PCDHGA11: variants seen among roughly 807,000 people sequenced by gnomAD.
PCDHGA11 encodes the protein protocadherin gamma subfamily A, 11.
PCDHGA11 carries 39 observed loss-of-function variants against 60.4 expected under a neutral mutation model. The observed-to-expected ratio is 0.65, with a 90% confidence interval of 0.50 to 0.84. PCDHGA11 has a LOEUF of 0.84. Among genes scored for constraint, PCDHGA11 ranks in the 40% least tolerant of loss-of-function variants. PCDHGA11 has a pLI of 0.00. For synonymous variants in PCDHGA11, 533 were observed against 510.3 expected (o/e 1.04, Z -0.60); for missense variants, 1,165 against 1,197.7 (o/e 0.97, Z 0.40).
In PCDHGA11 at chr5:141,489,522, C is replaced by T. The variant is rs371948070; in HGVS notation, c.2434-5285C>T. 2.5e-6 allele frequency: 4 copies of T among 1,614,088 alleles called. No individual in the cohort carries two copies. Among genetic ancestry groups the T allele is most frequent in the Non-Finnish European group, 3.4e-6 (4 of 1,180,036 alleles). On this transcript the variant is annotated intron_variant, in intron 1 of 3. Coordinates refer to ENST00000398587, the MANE Select transcript of PCDHGA11 (RefSeq NM_018914.3). The surrounding 1 kb of genome is among the most constrained non-coding windows in gnomAD (Gnocchi z 4.5). ...TGAATCAAAAGATTGACCGAGAAAG[C>T]CTATGTGGAGCCAGCACCAGCTGCC...
intron 2 of PCDHGA11, among the ~76,000 whole-genome samples, chr5:141,501,294 C>CAT (rs200497585): frequency 0.16 from 9,924 of 62,810 alleles, 350 homozygotes; most frequent in Non-Finnish European, 0.25. Flanking sequence ...CCCTTATACA[C>CAT]ACACACACAC....
chr5:141,452,165 C>T (rs917431071), intron 1 of PCDHGA11, among the ~76,000 whole-genome samples: 2 of 152,120 alleles, frequency 1.3e-5, no homozygotes, highest in African/African-American at 4.8e-5. Flanking sequence ...TATTCTATTA[C>T]TAACATTTTT....
In PCDHGA11 at chr5:141,421,531, T is replaced by G. The variant is rs1318944446; in HGVS notation, c.304T>G (p.Ser102Ala). Residue 102 changes from serine to alanine, a missense_variant, in exon 1 of 4, where the codon TCC becomes GCC. Transcript: ENST00000398587. ...DREELCETVS[S>A]CFLNMELLVE... is the part of the protein sequence containing the mutation. ...GGAGGAGCTCTGTGAGACGGTGTCC[T>G]CCTGTTTTTTAAATATGGAACTTCT... The G allele has an allele frequency of 6.2e-7, 1 of 1,613,904 alleles. No homozygotes were observed. The highest frequency in any genetic ancestry group is 8.5e-7 in the Non-Finnish European group (1 of 1,179,896).
intron 2 of PCDHGA11, among the ~76,000 whole-genome samples, chr5:141,500,216 ATTT>A (rs979396489): frequency 3.1e-4 from 46 of 149,244 alleles, no homozygotes; most frequent in Non-Finnish European, 6.7e-4. Context: ...TTATTTATTT[ATTT>A]ATTTATTGAT....
Position 141,421,436 on chromosome 5 carries a change from G to C in PCDHGA11, c.209G>C (p.Arg70Thr), listed in dbSNP as rs373015809. The C allele has an allele frequency of 3.7e-6, 6 of 1,613,994 alleles. No homozygotes were observed. The highest frequency in any genetic ancestry group is 2.7e-5 in the African/African-American group (2 of 74,966). The change falls in exon 1 of 4, where the codon AGA becomes ACA. Residue 70 changes from arginine to threonine, a missense_variant. By Grantham distance (71) the Arg-to-Thr change is moderately conservative. Transcript: ENST00000398587. ...LAKRGVRIVS[R>T]GKTQLFAVNP... ...AAGCGCGGAGTCCGCATCGTCTCCA[G>C]AGGGAAGACACAGCTTTTCGCTGTG...
intron 3 of PCDHGA11, among the ~76,000 whole-genome samples, chr5:141,506,833 C>A (rs1462038297): frequency 1.3e-5 from 2 of 152,092 alleles, no homozygotes; most frequent in African/African-American, 4.8e-5. Context: ...AACTGATAGC[C>A]CTGCCCTCCA....
chr5:141,423,864 G>A (rs180692491), intron 1 of PCDHGA11: 551 of 1,284,224 alleles, frequency 4.3e-4, no homozygotes, highest in Non-Finnish European at 5.0e-4. Context: ...TTTTGTGAAA[G>A]TCATTTTTCA....
chr5:141,451,284 G>A (rs950768919), intron 1 of PCDHGA11, among the ~76,000 whole-genome samples: 1 of 152,186 alleles, frequency 6.6e-6, no homozygotes. Context: ...GAGTGCCTCT[G>A]CCTCAAAGTC....
In PCDHGA11 at chr5:141,421,959, A is replaced by G. The variant is rs2096614103; in HGVS notation, c.732A>G (p.Thr244=). 3 of 1,612,798 alleles carry G rather than the reference A, an allele frequency of 1.9e-6. No homozygotes were observed. Among genetic ancestry groups the G allele is most frequent in the East Asian group, 2.2e-5 (1 of 44,876 alleles). The change falls in exon 1 of 4, where the codon ACA becomes ACG. Residue 244 remains threonine, a synonymous_variant. Transcript: ENST00000398587. ...TAAATGATCACATCCCAATGTTTACACAGTCCGTATATCGCGTGAGTGTTC... is the reference window on the plus strand; with the variant it reads ...TAAATGATCACATCCCAATGTTTACGCAGTCCGTATATCGCGTGAGTGTTC... ...LDVNDHIPMF[T]QSVYRVSVPE...
chr5:141,497,413 T>A (rs572922456), intron 2 of PCDHGA11, among the ~76,000 whole-genome samples: 1 of 151,928 alleles, frequency 6.6e-6, no homozygotes, highest in African/African-American at 2.4e-5. Context: ...TCCCATTCCA[T>A]CAAATGAGAG....
At chr5:141,451,004 T>A (rs2098704048) in intron 1 of PCDHGA11, among the ~76,000 whole-genome samples, 1 of 151,474 alleles carries the variant, frequency 6.6e-6, no homozygotes, top group South Asian at 2.1e-4. Flanking sequence ...TTTTTGTATT[T>A]TTTTTAGTAG....
chr5:141,455,006 G>A (rs1194194759), intron 1 of PCDHGA11, among the ~76,000 whole-genome samples: 2 of 150,910 alleles, frequency 1.3e-5, no homozygotes, highest in Non-Finnish European at 3.0e-5. Flanking sequence ...TAGAGACGGG[G>A]TTTCACCGTG....
chr5:141,423,108 GC>G lies in PCDHGA11; in HGVS notation c.1882del (p.Arg628ValfsTer115). 2 of 1,613,864 alleles carry G rather than the reference GC, an allele frequency of 1.2e-6. No individual in the cohort carries two copies. The highest frequency in any genetic ancestry group is 2.7e-5 in the African/African-American group (2 of 75,072). The stretch of plus-strand genomic sequence containing the variant: ...CGGTGGGGGAGCACACGGGCGAGGT[GC>G]GTACAGCGCGGGCACTGCTGGACAG... ...FAVGEHTGEVRTARALLDRDA... is the reference protein window; with the variant it reads ...FAVGEHTGEVXTARALLDRDA... On this transcript the variant is annotated frameshift_variant, in exon 1 of 4. Transcript: ENST00000398587. LOFTEE classifies it high-confidence loss of function.
chr5:141,477,080 A>C lies in PCDHGA11; in HGVS notation c.2434-17727A>C. 1 of 1,614,254 alleles carries C rather than the reference A, an allele frequency of 6.2e-7. No homozygotes were observed. ...GGACACCAAACTCCATGAGATTTAC[A>C]TCCAGGCCAAAGACAAGGGCGCCAA... On this transcript the variant is annotated intron_variant, in intron 1 of 3. Coordinates refer to ENST00000398587, the MANE Select transcript of PCDHGA11 (RefSeq NM_018914.3). This position sits in a 1 kb window ranked among gnomAD's most constrained non-coding sequence, Gnocchi z 4.9.
intron 3 of PCDHGA11, among the ~76,000 whole-genome samples, chr5:141,510,373 T>TC (rs112437269): frequency 0.25 from 37,727 of 151,394 alleles, 4,765 homozygotes; most frequent in Admixed American, 0.33. Context: ...GAATCTCTAC[T>TC]CGTGCCAGGC....
chr5:141,485,654 G>A lies in PCDHGA11; in HGVS notation c.2434-9153G>A, dbSNP rs2099617203. 6.2e-7 allele frequency: 1 copy of A among 1,612,482 alleles called. No individual in the cohort carries two copies. The highest frequency in any genetic ancestry group is 8.5e-7 in the Non-Finnish European group (1 of 1,178,842). On this transcript the variant is annotated intron_variant, in intron 1 of 3. Coordinates refer to ENST00000398587, the MANE Select transcript of PCDHGA11 (RefSeq NM_018914.3). The surrounding 1 kb of genome is among the most constrained non-coding windows in gnomAD (Gnocchi z 5.7). ...CCCGTTGGAAAAGGCTCAGGATGCA[G>A]ATGTGGGGAGCAATTCGATTAGCAG... is the stretch of plus-strand genomic sequence containing the variant.
rs1430298222 is a variant in PCDHGA11, at chr5:141,476,741, A to C, written c.2434-18066A>C. ...CGCCCTGGACCGAGAACGGGAGCCTAGTCTCCAGTTAGTGCTGACGGCGTT... is the reference window on the plus strand; with the variant it reads ...CGCCCTGGACCGAGAACGGGAGCCTCGTCTCCAGTTAGTGCTGACGGCGTT... On this transcript the variant is annotated intron_variant, in intron 1 of 3. Coordinates refer to ENST00000398587, the MANE Select transcript of PCDHGA11 (RefSeq NM_018914.3). The surrounding 1 kb of genome is among the most constrained non-coding windows in gnomAD (Gnocchi z 7.6). 1 of 1,613,936 alleles carries C rather than the reference A, an allele frequency of 6.2e-7. No homozygotes were observed. Among genetic ancestry groups the C allele is most frequent in the South Asian group, 1.1e-5 (1 of 91,088 alleles).
At chr5:141,500,582 T>G (rs534297929) in intron 2 of PCDHGA11, among the ~76,000 whole-genome samples, 29 of 152,314 alleles carry the variant, frequency 1.9e-4, no homozygotes, top group African/African-American at 6.7e-4. Flanking sequence ...ATGTGACACT[T>G]TATTCACATA....
chr5:141,506,506 C>T (rs1279198463), intron 3 of PCDHGA11, among the ~76,000 whole-genome samples: 2 of 151,030 alleles, frequency 1.3e-5, no homozygotes. Context: ...GATTCAAATC[C>T]TGGCACCTGG....
Sources: allele counts gnomAD v4.1 joint callset (sites outside exome capture counted in the v4.1 genomes callset), GRCh38; gene constraint gnomAD v4.1.1; non-coding constraint Gnocchi (gnomAD v3.1); transcripts MANE v1.5; gene names NCBI Gene and HGNC (gene_info 2026-07-23, HGNC 2026-07-21).